The following GNG12 variants were observed in gnomAD, a reference collection of about 807,000 sequenced individuals.
GNG12 encodes the protein G protein subunit gamma 12, also known as guanine nucleotide-binding protein G(I)/G(S)/G(O) subunit gamma-12.
For missense variants in GNG12, 69 were observed against 83.8 expected (o/e 0.82, Z 0.69); for synonymous variants, 28 against 29.7 (o/e 0.94, Z 0.19).
At chr1:67,719,881 A>G (rs1402410485) in intron 2 of GNG12, among the ~76,000 whole-genome samples, 1 of 152,140 alleles carries the variant, frequency 6.6e-6, no homozygotes, top group Non-Finnish European at 1.5e-5. Context: ...CTTCTCTCAT[A>G]TTGACTAATG....
chr1:67,817,072 GA>G (rs1646957477), intron 1 of GNG12, among the ~76,000 whole-genome samples: 2 of 151,976 alleles, frequency 1.3e-5, no homozygotes, highest in South Asian at 4.1e-4. Flanking sequence ...ATATAAAGAT[GA>G]AAAAAAGGCC....
chr1:67,814,827 C>T (rs138280982), intron 1 of GNG12, among the ~76,000 whole-genome samples: 66 of 152,292 alleles, frequency 4.3e-4, no homozygotes, highest in Non-Finnish European at 6.0e-4. Flanking sequence ...GCTCTGCAGC[C>T]TTGTACAAGT....
intron 1 of GNG12, among the ~76,000 whole-genome samples, chr1:67,832,714 C>A (rs1039297861): frequency 2.0e-5 from 3 of 152,164 alleles, no homozygotes; most frequent in African/African-American, 4.8e-5. Flanking sequence ...GGGTCCCTCG[C>A]GGGGTGCGTC....
intron 1 of GNG12, among the ~76,000 whole-genome samples, chr1:67,785,740 A>G (rs1646764214): frequency 6.6e-6 from 1 of 152,204 alleles, no homozygotes; most frequent in Non-Finnish European, 1.5e-5. Flanking sequence ...CAAGCATACT[A>G]TCATGAGACA....
intron 1 of GNG12, among the ~76,000 whole-genome samples, chr1:67,798,362 C>T (rs1268861381): frequency 6.6e-6 from 1 of 152,146 alleles, no homozygotes; most frequent in Non-Finnish European, 1.5e-5. Context: ...CAGTTTCATC[C>T]CCAACCCCTC....
intron 2 of GNG12, among the ~76,000 whole-genome samples, chr1:67,742,183 C>G (rs1646486418): frequency 6.6e-6 from 1 of 152,186 alleles, no homozygotes; most frequent in Non-Finnish European, 1.5e-5. Flanking sequence ...TAGAAATGAT[C>G]TAAGTAAATG....
At chr1:67,825,715 G>A (rs1343096833) in intron 1 of GNG12, among the ~76,000 whole-genome samples, 5 of 152,096 alleles carry the variant, frequency 3.3e-5, no homozygotes, top group Non-Finnish European at 7.3e-5. Context: ...CTGTCCCCAA[G>A]GAAAAAGGCC....
intron 1 of GNG12, among the ~76,000 whole-genome samples, chr1:67,786,372 T>C (rs1646767435): frequency 6.6e-6 from 1 of 151,904 alleles, no homozygotes. Flanking sequence ...AATTAAGACC[T>C]AACACTAAAT....
chr1:67,783,201 T>G (rs1305141099), intron 1 of GNG12, among the ~76,000 whole-genome samples: 1 of 152,182 alleles, frequency 6.6e-6, no homozygotes, highest in Non-Finnish European at 1.5e-5. Context: ...TAGACATAAG[T>G]GTTTCATGTT....
intron 2 of GNG12, among the ~76,000 whole-genome samples, chr1:67,748,310 G>C (rs187611610): frequency 6.6e-6 from 1 of 152,200 alleles, no homozygotes; most frequent in Admixed American, 6.5e-5. Flanking sequence ...TGGCTTTCCA[G>C]AGTTTGGTGG....
At chr1:67,829,124 G>A (rs1191987511) in intron 1 of GNG12, among the ~76,000 whole-genome samples, 1 of 152,070 alleles carries the variant, frequency 6.6e-6, no homozygotes, top group Non-Finnish European at 1.5e-5. Context: ...TTGGGGGTGG[G>A]AGAGCACCAT....
intron 2 of GNG12, among the ~76,000 whole-genome samples, chr1:67,715,148 A>T (rs1570479596): frequency 6.6e-6 from 1 of 151,904 alleles, no homozygotes; most frequent in African/African-American, 2.4e-5. Flanking sequence ...TGAACTCCTG[A>T]CCTCGTGATC....
chr1:67,717,982 G>T (rs1646336123), intron 2 of GNG12, among the ~76,000 whole-genome samples: 1 of 152,214 alleles, frequency 6.6e-6, no homozygotes, highest in Admixed American at 6.5e-5. Context: ...GTTGTTACAG[G>T]ATGAACTGAG....
At chr1:67,728,634 G>A (rs963816997) in intron 2 of GNG12, among the ~76,000 whole-genome samples, 22 of 152,254 alleles carry the variant, frequency 1.4e-4, no homozygotes, top group African/African-American at 4.6e-4. Flanking sequence ...ATATGCACAC[G>A]GGGAAGGGAG....
At chr1:67,709,852 T>TTA (rs543337892) in intron 2 of GNG12, among the ~76,000 whole-genome samples, 2 of 122,946 alleles carry the variant, frequency 1.6e-5, no homozygotes, top group Non-Finnish European at 3.2e-5. Flanking sequence ...GTATATATAT[T>TTA]TATATATATA....
intron 1 of GNG12, among the ~76,000 whole-genome samples, chr1:67,832,848 T>A (rs1489244022): frequency 6.6e-6 from 1 of 151,712 alleles, no homozygotes; most frequent in African/African-American, 2.4e-5. Context: ...GGGCGTGGCG[T>A]CCCTGTCGCC....
chr1:67,775,569 G>A (rs1646699933), intron 2 of GNG12, among the ~76,000 whole-genome samples: 1 of 152,234 alleles, frequency 6.6e-6, no homozygotes, highest in African/African-American at 2.4e-5. Flanking sequence ...CAAGTCCAAT[G>A]CCCATGCTTC....
intron 1 of GNG12, among the ~76,000 whole-genome samples, chr1:67,794,211 G>A (rs1357477393): frequency 1.3e-5 from 2 of 152,204 alleles, no homozygotes; most frequent in African/African-American, 2.4e-5. Flanking sequence ...CCATCCACCA[G>A]AGAGTCCTCA....
Position 67,702,233 on chromosome 1 carries a change from T to C in GNG12, c.*3218A>G, listed in dbSNP as rs1646219773. ...CCATAAAAGAAAGCAATAAAACCCATAATGTACTCTGGTATTGTATTTATT... is the reference window on the plus strand; with the variant it reads ...CCATAAAAGAAAGCAATAAAACCCACAATGTACTCTGGTATTGTATTTATT... On this transcript the variant is annotated 3_prime_UTR_variant, in exon 4 of 4. Coordinates refer to ENST00000370982, the MANE Select transcript of GNG12 (RefSeq NM_018841.6). The C allele has an allele frequency of 6.6e-6, 1 of 152,206 alleles. No individual in the cohort carries two copies. The highest frequency in any genetic ancestry group is 6.5e-5 in the Admixed American group (1 of 15,276). 9.4% of individuals were successfully genotyped at this position (152,206 alleles called of 1,614,324 possible).
Sources: allele counts gnomAD v4.1 joint callset (sites outside exome capture counted in the v4.1 genomes callset), GRCh38; gene constraint gnomAD v4.1.1; transcripts MANE v1.5; gene names NCBI Gene and HGNC (gene_info 2026-07-23, HGNC 2026-07-21).